Variants in UBR3 observed in about 807,000 individuals in gnomAD.
UBR3 encodes E3 ubiquitin-protein ligase UBR3.
In UBR3, 85 loss-of-function variants were observed where a neutral mutation model predicts 243.2. The observed-to-expected ratio is 0.35, with a 90% CI of 0.29 to 0.42. The LOEUF (loss-of-function observed/expected upper bound fraction) is 0.42, where lower values mean the gene tolerates loss of function less well. Ranked by LOEUF, UBR3 falls within the 10% of genes least tolerant of loss-of-function variation. The pLI, the probability that UBR3 is intolerant of heterozygous loss-of-function variation, is 1.00. For missense variants in UBR3, 1,686 were observed against 2,300.8 expected (o/e 0.73, Z 5.47); for synonymous variants, 748 against 799.8 (o/e 0.94, Z 1.09).
At chr2:169,869,160 A>G (rs190293212) in intron 1 of UBR3, among the ~76,000 whole-genome samples, 1 of 144,004 alleles carries the variant, frequency 6.9e-6, no homozygotes, top group East Asian at 2.0e-4. Context: ...CTCACATCAC[A>G]GTCTCTCTGC....
intron 26 of UBR3, among the ~76,000 whole-genome samples, chr2:169,996,700 T>G (rs2089495137): frequency 6.8e-6 from 1 of 146,886 alleles, no homozygotes. Context: ...TTTGTTTTTT[T>G]TTTTTTTTTT....
At chr2:169,948,927 A>G (rs563496286) in intron 22 of UBR3, among the ~76,000 whole-genome samples, 2 of 152,084 alleles carry the variant, frequency 1.3e-5, no homozygotes, top group South Asian at 4.1e-4. Flanking sequence ...AAAACTGTTC[A>G]AAAAACAAAT....
chr2:170,041,332 C>T (rs1007787905), intron 32 of UBR3, among the ~76,000 whole-genome samples: 7 of 152,094 alleles, frequency 4.6e-5, no homozygotes, highest in Admixed American at 3.9e-4. Flanking sequence ...TGGGTCTGTT[C>T]AGCTTTTTAG....
intron 11 of UBR3, among the ~76,000 whole-genome samples, chr2:169,922,240 C>T (rs191666346): frequency 5.9e-4 from 88 of 148,850 alleles, no homozygotes; most frequent in African/African-American, 1.9e-3. Flanking sequence ...GAACTGTGAT[C>T]GTGCCACCAT....
At chr2:169,866,583 G>A (rs2083272590) in intron 1 of UBR3, among the ~76,000 whole-genome samples, 1 of 152,092 alleles carries the variant, frequency 6.6e-6, no homozygotes, top group Non-Finnish European at 1.5e-5. Flanking sequence ...GGCTGGTCTT[G>A]AACTCCTGAT....
At chr2:169,959,699 A>G (rs1010723274) in intron 24 of UBR3, among the ~76,000 whole-genome samples, 2 of 152,298 alleles carry the variant, frequency 1.3e-5, no homozygotes, top group East Asian at 3.9e-4. Flanking sequence ...AGCTAGTACC[A>G]TAGTTCATTC....
chr2:169,903,259 G>A (rs370176209), intron 8 of UBR3, among the ~76,000 whole-genome samples: 7 of 152,136 alleles, frequency 4.6e-5, no homozygotes, highest in African/African-American at 1.7e-4. Flanking sequence ...TAGTATTTAA[G>A]CAGTGTCATG....
At position 169,827,882 on chromosome 2, in the gene UBR3, A is replaced by G; in HGVS notation, c.375A>G (p.Thr125=). The change falls in exon 1 of 39, where the codon ACA becomes ACG. Residue 125 remains threonine (T), a synonymous_variant. Coordinates refer to ENST00000272793, the MANE Select transcript of UBR3 (RefSeq NM_172070.4). The part of the protein sequence containing the change: ...DPAALCGLVW[T]ANFVAYRCRT... ...CGGCGCTCTGCGGCCTGGTCTGGAC[A>G]GCCAACTTCGTGGCCTACCGCTGCC... 2 of 1,518,018 alleles carry G rather than the reference A, an allele frequency of 1.3e-6. No individual in the cohort carries two copies. The highest frequency in any genetic ancestry group is 1.8e-6 in the Non-Finnish European group (2 of 1,136,386). The allele number at this position is 1,518,018 out of a possible 1,614,324, so 94.0% of individuals were successfully genotyped here.
intron 24 of UBR3, among the ~76,000 whole-genome samples, chr2:169,964,706 A>G (rs1470690348): frequency 6.6e-6 from 1 of 152,196 alleles, no homozygotes; most frequent in Non-Finnish European, 1.5e-5. Flanking sequence ...GCTGACTATA[A>G]ATAAAGATTG....
chr2:169,881,902 T>C (rs1297713369), intron 5 of UBR3, among the ~76,000 whole-genome samples: 3 of 95,676 alleles, frequency 3.1e-5, no homozygotes, highest in Non-Finnish European at 4.7e-5. Context: ...TGTATACATA[T>C]AGGTATATGT....
At chr2:169,937,675 C>T (rs1470311556) in intron 19 of UBR3, among the ~76,000 whole-genome samples, 1 of 152,058 alleles carries the variant, frequency 6.6e-6, no homozygotes, top group Non-Finnish European at 1.5e-5. Flanking sequence ...ATCTAAGATG[C>T]ATTTTCTATT....
intron 1 of UBR3, among the ~76,000 whole-genome samples, chr2:169,828,574 T>A (rs2081824933): frequency 6.6e-6 from 1 of 151,686 alleles, no homozygotes; most frequent in Non-Finnish European, 1.5e-5. Flanking sequence ...GAACTGCCAG[T>A]GTGTCTGTCA....
intron 32 of UBR3, among the ~76,000 whole-genome samples, chr2:170,053,203 A>G (rs2091260293): frequency 1.3e-5 from 2 of 152,184 alleles, no homozygotes; most frequent in Admixed American, 6.5e-5. Context: ...CCCAGAATTG[A>G]TAAGAGTGGC....
At chr2:169,901,519 C>T (rs1462413501) in intron 8 of UBR3, among the ~76,000 whole-genome samples, 1 of 152,104 alleles carries the variant, frequency 6.6e-6, no homozygotes, top group African/African-American at 2.4e-5. Context: ...ACTGAACTAC[C>T]CATAACTAGC....
chr2:169,849,210 C>A (rs922169376), intron 1 of UBR3, among the ~76,000 whole-genome samples: 6 of 152,190 alleles, frequency 3.9e-5, no homozygotes, highest in African/African-American at 1.4e-4. Context: ...GCATGAGGCC[C>A]AGTCAAGAGG....
chr2:169,836,069 T>A (rs866609017), intron 1 of UBR3, among the ~76,000 whole-genome samples: 2,617 of 49,486 alleles, frequency 0.053, 77 homozygotes, highest in African/African-American at 0.098. Flanking sequence ...ATATATATAT[T>A]TTTTTTTTTT....
chr2:169,864,579 C>T (rs1292359221), intron 1 of UBR3, among the ~76,000 whole-genome samples: 1 of 151,880 alleles, frequency 6.6e-6, no homozygotes, highest in African/African-American at 2.4e-5. Context: ...GCCTGGCCAA[C>T]ATGGCCAGGC....
At chr2:170,040,818 TATAAA>T in intron 31 of UBR3, 59 bp from the exon 32 acceptor site, 1 of 1,211,590 alleles carries the variant, frequency 8.3e-7, no homozygotes, top group Non-Finnish European at 1.2e-6. Context: ...ATATGTGACA[TATAAA>T]ATAAATTAGA....
In UBR3 at chr2:170,072,174, A is replaced by T. The variant is rs559177292; in HGVS notation, c.5020-1254A>T. On this transcript the variant is annotated intron_variant, in intron 35 of 38. Transcript: ENST00000272793. ...ATAGCAAAGACTTGGAACCAACCCA[A>T]ATGTCCAACAATGATAGACTGGATT... is the stretch of plus-strand genomic sequence containing the variant. Among the ~76,000 whole-genome samples the T allele has an allele frequency of 9.8e-5, 15 of 152,292 alleles. No homozygotes were observed. The South Asian group carries it at 2.9e-3, about 29-fold the overall frequency.
Sources: allele counts gnomAD v4.1 joint callset (sites outside exome capture counted in the v4.1 genomes callset), GRCh38; gene constraint gnomAD v4.1.1; transcripts MANE v1.5; gene names NCBI Gene and HGNC (gene_info 2026-07-23, HGNC 2026-07-21).